Variants in LNPEP observed in about 807,000 individuals in gnomAD.
LNPEP encodes leucyl-cystinyl aminopeptidase.
Under a neutral mutation model 120.6 loss-of-function variants are expected in LNPEP, and 64 were observed. That is an observed-to-expected ratio of 0.53 (90% CI 0.43 to 0.65). LNPEP has a LOEUF of 0.65. Ranked by LOEUF, LNPEP falls within the 30% of genes least tolerant of loss-of-function variation. LNPEP has a pLI of 0.00. For synonymous variants in LNPEP, 435 were observed against 425.4 expected (o/e 1.02, Z -0.28); for missense variants, 1,057 against 1,200.0 (o/e 0.88, Z 1.76).
intron 11 of LNPEP, among the ~76,000 whole-genome samples, chr5:97,009,668 C>G (rs1411152524): frequency 1.5e-5 from 2 of 136,468 alleles, no homozygotes; most frequent in Non-Finnish European, 3.1e-5. Context: ...CTCTTCTCAA[C>G]TGTGTTATTT....
In LNPEP at chr5:97,034,236, G is replaced by C. The variant is rs1247532636; in HGVS notation, c.*5703G>C. The C allele has an allele frequency of 6.6e-6, 1 of 151,940 alleles. No individual in the cohort carries two copies. Among genetic ancestry groups the C allele is most frequent in the Non-Finnish European group, 1.5e-5 (1 of 67,962 alleles). The allele number at this position is 151,940 out of a possible 1,614,324, so 9.4% of individuals were successfully genotyped here. On this transcript the variant is annotated 3_prime_UTR_variant, in exon 18 of 18. Transcript: ENST00000231368. ...TTTAGAAATGTATATAAATGTTCTT[G>C]CTCCTTTTTCCTGTTACTTCATTGT...
At chr5:97,028,352 G>A (rs750460324) in intron 17 of LNPEP, 50 bp from the exon 18 acceptor site, 1 of 1,579,340 alleles carries the variant, frequency 6.3e-7, no homozygotes, top group South Asian at 1.1e-5. Context: ...GGTTACCTGA[G>A]GTTTATCGTC....
chr5:96,968,703 G>A (rs1028119683), intron 1 of LNPEP, among the ~76,000 whole-genome samples: 4 of 151,752 alleles, frequency 2.6e-5, no homozygotes, highest in Non-Finnish European at 5.9e-5. Context: ...ACATTGGACC[G>A]GTATAATAAA....
chr5:97,027,212 G>T (rs565729613), intron 16 of LNPEP, among the ~76,000 whole-genome samples: 1 of 152,162 alleles, frequency 6.6e-6, no homozygotes, highest in Admixed American at 6.5e-5. Flanking sequence ...AATTAGCCGG[G>T]CATGGTGGCG....
intron 11 of LNPEP, among the ~76,000 whole-genome samples, chr5:97,013,339 C>G (rs565868257): frequency 6.6e-6 from 1 of 152,226 alleles, no homozygotes; most frequent in South Asian, 2.1e-4. Context: ...GTCAATAGCG[C>G]TTGTATGATA....
At chr5:97,019,903 T>A (rs1356693149) in intron 13 of LNPEP, among the ~76,000 whole-genome samples, 1 of 152,200 alleles carries the variant, frequency 6.6e-6, no homozygotes, top group Non-Finnish European at 1.5e-5. Context: ...CACATAACAA[T>A]GCAGTTAGGT....
At chr5:96,980,056 G>A in intron 2 of LNPEP, 78 bp downstream of exon 2, 1 of 1,346,522 alleles carries the variant, frequency 7.4e-7, no homozygotes, top group South Asian at 1.5e-5. Flanking sequence ...CCACACCAGA[G>A]ACACGAATTG....
chr5:96,945,517 G>A (rs935670298), intron 1 of LNPEP, among the ~76,000 whole-genome samples: 1 of 152,074 alleles, frequency 6.6e-6, no homozygotes, highest in African/African-American at 2.4e-5. Flanking sequence ...ATATTTTGGG[G>A]TAAAATACCT....
At chr5:97,010,529 T>C in intron 11 of LNPEP, 6 of 985,358 alleles carry the variant, frequency 6.1e-6, no homozygotes, top group Non-Finnish European at 7.2e-6. Flanking sequence ...GCTAGCCCTC[T>C]GGAGCAAACT....
At chr5:96,958,389 A>T in intron 1 of LNPEP, 1 of 723,710 alleles carries the variant, frequency 1.4e-6, no homozygotes, top group Non-Finnish European at 1.7e-6. Flanking sequence ...TTTGCAAGTT[A>T]ATTGAATTAC....
Position 97,028,555 on chromosome 5 carries a change from T to C in LNPEP, c.*22T>C. The stretch of plus-strand genomic sequence containing the variant: ...GTAGCATGCACAACCGCACCTCATT[T>C]TGTTGCCCATTCAGAGAGCTTGTAA... On this transcript the variant is annotated 3_prime_UTR_variant, in exon 18 of 18. Coordinates refer to ENST00000231368, the MANE Select transcript of LNPEP (RefSeq NM_005575.3). 7 of 1,611,502 alleles carry C rather than the reference T, an allele frequency of 4.3e-6. No individual in the cohort carries two copies. Among genetic ancestry groups the C allele is most frequent in the Non-Finnish European group, 5.9e-6 (7 of 1,178,634 alleles).
chr5:96,988,397 G>A (rs966347880), intron 4 of LNPEP, among the ~76,000 whole-genome samples: 2 of 136,202 alleles, frequency 1.5e-5, no homozygotes, highest in Non-Finnish European at 3.1e-5. Context: ...GAGTACAAGT[G>A]GCACAATTTC....
chr5:96,954,770 ATATTTTTTTTTT>A (rs1789418741), intron 1 of LNPEP, among the ~76,000 whole-genome samples: 1 of 29,490 alleles, frequency 3.4e-5, no homozygotes, highest in African/African-American at 1.3e-4. Flanking sequence ...ATATATATAT[ATATTTTTTTTTT>A]TTTTTTTTTT....
In LNPEP at chr5:96,979,212, A is replaced by G. The variant is rs143082960; in HGVS notation, c.94A>G (p.Lys32Glu). 1.1e-5 allele frequency: 17 copies of G among 1,613,816 alleles called. No individual in the cohort carries two copies. In the African/African-American group the frequency reaches 1.9e-4, roughly 18 times the overall value. The change falls in exon 2 of 18, where the codon AAA becomes GAA. Residue 32 changes from lysine to glutamate, a missense_variant. Transcript: ENST00000231368. Reference protein sequence around the residue: ...EEEPDVVDLAKEPCLHPLEPD... With the variant: ...EEEPDVVDLAEEPCLHPLEPD... ...AGAACCAGATGTGGTGGATTTAGCC[A>G]AAGAGCCTTGTTTACATCCTCTAGA...
rs1415876480 is a variant in LNPEP at position 97,034,415 on chromosome 5, T to G, written c.*5882T>G. On this transcript the variant is annotated 3_prime_UTR_variant, in exon 18 of 18. Coordinates refer to ENST00000231368, the MANE Select transcript of LNPEP (RefSeq NM_005575.3). ...GGATTTTGTTTTTTTGTTTTTTTGT[T>G]TTTTTTTTGGTAGGGGAGGTGGGGA... The G allele has an allele frequency of 2.6e-5, 4 of 151,208 alleles. No homozygotes were observed. The highest frequency in any genetic ancestry group is 2.1e-4 in the South Asian group (1 of 4,806). 9.4% of individuals were successfully genotyped at this position (151,208 alleles called of 1,614,324 possible).
chr5:97,013,921 A>G (rs1561452436), intron 12 of LNPEP, 90 bp downstream of exon 12: 1 of 939,342 alleles, frequency 1.1e-6, no homozygotes, highest in Admixed American at 2.5e-5. Flanking sequence ...TGAAAGAACT[A>G]GCATGTATTG....
Position 97,028,603 on chromosome 5 carries a change from A to G in LNPEP, c.*70A>G, listed in dbSNP as rs1351559134. On this transcript the variant is annotated 3_prime_UTR_variant, in exon 18 of 18. Transcript: ENST00000231368. ...TAAGCTTGGGCTCTGCCGCTTTTGC[A>G]AAAGCCAAGGTAAAGCCAGGATCGC... 1.9e-6 allele frequency: 3 copies of G among 1,556,360 alleles called. No individual in the cohort carries two copies. The African/African-American group carries it at 4.1e-5, about 21-fold the overall frequency.
chr5:97,014,996 G>T lies in LNPEP; in HGVS notation c.2277G>T (p.Glu759Asp). The T allele has an allele frequency of 1.3e-6, 2 of 1,593,286 alleles. No individual in the cohort carries two copies. Among genetic ancestry groups the T allele is most frequent in the Non-Finnish European group, 1.7e-6 (2 of 1,169,972 alleles). ...ATTTGATTAATTATCTTGGAAATGA[G>T]AACCATACTGCACCCATCACCGAAG... Reference protein sequence around the residue: ...AFDLINYLGNENHTAPITEAL... With the variant: ...AFDLINYLGNDNHTAPITEAL... Residue 759 changes from glutamate (E) to aspartate (D), a missense_variant, in exon 13 of 18, where the codon GAG (glutamate) becomes GAT (aspartate). By Grantham distance (45) the Glu-to-Asp change is conservative. Transcript: ENST00000231368.
chr5:96,949,337 T>C (rs967693062), intron 1 of LNPEP, among the ~76,000 whole-genome samples: 1 of 152,224 alleles, frequency 6.6e-6, no homozygotes, highest in East Asian at 1.9e-4. Context: ...CAGGGTGGTA[T>C]TAGAGTCCCA....
Sources: allele counts gnomAD v4.1 joint callset (sites outside exome capture counted in the v4.1 genomes callset), GRCh38; gene constraint gnomAD v4.1.1; transcripts MANE v1.5; gene names NCBI Gene and HGNC (gene_info 2026-07-23, HGNC 2026-07-21).